Variants in CCDC70 observed in about 807,000 individuals in gnomAD.
The protein encoded by CCDC70 is coiled-coil domain-containing protein 70.
CCDC70 carries 4 observed loss-of-function variants against 9.1 expected under a neutral mutation model. The ratio of observed to expected loss-of-function variants is 0.44; its 90% CI spans 0.22 to 1.00. The LOEUF is 1.00. Ranked by LOEUF, CCDC70 falls within the 50% of genes least tolerant of loss-of-function variation. The probability of loss-of-function intolerance (pLI) is 0.25; values close to 1 mark genes in which losing one functional copy is unlikely to be tolerated. For synonymous variants in CCDC70, 119 were observed against 94.0 expected (o/e 1.27, Z -1.54); for missense variants, 308 against 271.3 (o/e 1.14, Z -0.95).
chr13:51,864,096 C>T (rs1956401952), intron 1 of CCDC70, among the ~76,000 whole-genome samples: 1 of 150,776 alleles, frequency 6.6e-6, no homozygotes, highest in South Asian at 2.1e-4. Flanking sequence ...CCTTCCCTCC[C>T]TTCCTTCCTT....
chr13:51,865,384 C>T lies in CCDC70; in HGVS notation c.-28C>T, dbSNP rs1304179055. 2.5e-6 allele frequency: 4 copies of T among 1,589,028 alleles called. No individual in the cohort carries two copies. Among genetic ancestry groups the T allele is most frequent in the Non-Finnish European group, 3.4e-6 (4 of 1,167,630 alleles). On this transcript the variant is annotated 5_prime_UTR_variant, in exon 2 of 2. Coordinates refer to ENST00000242819, the MANE Select transcript of CCDC70 (RefSeq NM_031290.4). ...CAAGGGTCCTGTCATCCCTCATGGC[C>T]ACCCCGCCATTCCGGCTGATAAGGA...
intron 1 of CCDC70, among the ~76,000 whole-genome samples, chr13:51,863,708 C>CACACA (rs1555276646): frequency 0.17 from 23,452 of 141,026 alleles, 1,953 homozygotes; most frequent in East Asian, 0.27. Context: ...CACACACACA[C>CACACA]ACCAGCTATG....
At chr13:51,863,462 T>C (rs1260436400) in intron 1 of CCDC70, among the ~76,000 whole-genome samples, 2 of 151,964 alleles carry the variant, frequency 1.3e-5, no homozygotes, top group Non-Finnish European at 2.9e-5. Flanking sequence ...CTGGCTGTCA[T>C]GGGGGAGATG....
rs748527859 is a variant in CCDC70, at chr13:51,865,508, A to G, written c.97A>G (p.Lys33Glu). Residue 33 changes from lysine to glutamate, a missense_variant, in exon 2 of 2, where the codon AAG becomes GAG. Lys to Glu is a moderately conservative substitution (Grantham distance 56, BLOSUM62 1). Transcript: ENST00000242819. ...PSIRQKKLMHKLQEEKAFREE... is the reference protein window; with the variant it reads ...PSIRQKKLMHELQEEKAFREE... ...TATTCGCCAGAAGAAACTAATGCACAAGCTGCAGGAGGAAAAGGCTTTTCG... is the reference window on the plus strand; with the variant it reads ...TATTCGCCAGAAGAAACTAATGCACGAGCTGCAGGAGGAAAAGGCTTTTCG... 3.1e-6 allele frequency: 5 copies of G among 1,614,092 alleles called. No homozygotes were observed. The African/African-American group carries it at 5.3e-5, about 17-fold the overall frequency.
intron 1 of CCDC70, among the ~76,000 whole-genome samples, chr13:51,863,296 A>G (rs889864988): frequency 3.3e-5 from 5 of 152,280 alleles, no homozygotes; most frequent in Non-Finnish European, 5.9e-5. Context: ...TTCAGCTTTG[A>G]TCTTTGGGCT....
In CCDC70 at chr13:51,865,318, T is replaced by A. The variant is rs758836137; in HGVS notation, c.-80-14T>A. 111 of 1,397,662 alleles carry A rather than the reference T, an allele frequency of 7.9e-5. No individual in the cohort carries two copies. Among genetic ancestry groups the A allele is most frequent in the Non-Finnish European group, 1.1e-4 (109 of 1,026,166 alleles). The allele number at this position is 1,397,662 out of a possible 1,614,324, so 86.6% of individuals were successfully genotyped here. On this transcript the variant is annotated splice_polypyrimidine_tract_variant and intron_variant, in intron 1 of 1. Transcript: ENST00000242819. ...GTGATACTCATAGATCTGTCTTTTC[T>A]GCTGCCCCCACAGGGTCTGACCAGC...
Position 51,865,549 on chromosome 13 carries a change from T to C in CCDC70, c.138T>C (p.Ile46=). Residue 46 remains isoleucine (I), a synonymous_variant, in exon 2 of 2, where the codon ATT becomes ATC. Transcript: ENST00000242819. The part of the protein sequence containing the change: ...EEKAFREEMK[I]FREKIEDFRE... ...AGGCTTTTCGCGAAGAGATGAAAATTTTTCGTGAAAAAATAGAGGACTTCA... is the reference window on the plus strand; with the variant it reads ...AGGCTTTTCGCGAAGAGATGAAAATCTTTCGTGAAAAAATAGAGGACTTCA... 1 of 1,614,048 alleles carries C rather than the reference T, an allele frequency of 6.2e-7. No individual in the cohort carries two copies. The highest frequency in any genetic ancestry group is 1.1e-5 in the South Asian group (1 of 91,076).
Position 51,865,730 on chromosome 13 carries a change from G to T in CCDC70, c.319G>T (p.Glu107Ter). Residue 107 changes from glutamate to a stop codon, truncating the protein, a stop_gained, in exon 2 of 2, where the codon GAG (glutamate) becomes TAG (stop). Coordinates refer to ENST00000242819, the MANE Select transcript of CCDC70 (RefSeq NM_031290.4). LOFTEE classifies it high-confidence loss of function. ...AATGGAAAAGTCTTTCAGGGAGGAAGAGAAAACTTTCTGGAAAAAGTACCG... is the reference window on the plus strand; with the variant it reads ...AATGGAAAAGTCTTTCAGGGAGGAATAGAAAACTTTCTGGAAAAAGTACCG... ...WEMEKSFREE[E>*]KTFWKKYRTF... 6.2e-7 allele frequency: 1 copy of T among 1,614,168 alleles called. No homozygotes were observed. The highest frequency in any genetic ancestry group is 8.5e-7 in the Non-Finnish European group (1 of 1,180,016).
At chr13:51,864,426 G>A (rs1349548734) in intron 1 of CCDC70, among the ~76,000 whole-genome samples, 1 of 152,160 alleles carries the variant, frequency 6.6e-6, no homozygotes, top group East Asian at 1.9e-4. Context: ...CTGTGTTGAA[G>A]TATGTTCCCC....
Position 51,863,858 on chromosome 13 carries a change from C to G in CCDC70, c.-80-1474C>G, listed in dbSNP as rs573981960. Among the ~76,000 whole-genome samples, 3 of 152,282 alleles carry G rather than the reference C, an allele frequency of 2.0e-5. No homozygotes were observed. In the East Asian group the frequency reaches 5.8e-4, roughly 29 times the overall value. On this transcript the variant is annotated intron_variant, in intron 1 of 1. Transcript: ENST00000242819. ...AGTGAGGGCCGGACCCTGGCAGCTTCCTCCAGAAAGCACAAAATGGAAAAC... is the reference window on the plus strand; with the variant it reads ...AGTGAGGGCCGGACCCTGGCAGCTTGCTCCAGAAAGCACAAAATGGAAAAC...
chr13:51,864,347 C>T (rs576107768), intron 1 of CCDC70, among the ~76,000 whole-genome samples: 1 of 152,320 alleles, frequency 6.6e-6, no homozygotes, highest in South Asian at 2.1e-4. Context: ...CCTCATCCCA[C>T]ACTCCAAATC....
intron 1 of CCDC70, among the ~76,000 whole-genome samples, chr13:51,864,384 A>C (rs1956404659): frequency 1.3e-5 from 2 of 152,134 alleles, no homozygotes; most frequent in African/African-American, 4.8e-5. Flanking sequence ...TATTACTCTG[A>C]CTTTGGGACT....
chr13:51,866,012 C>T lies in CCDC70; in HGVS notation c.601C>T (p.Leu201Phe). ...TGGCCACATTGCCGGAGAGCAGATGCTCGAAGATGGGCCCCACAACGCCAA... is the reference window on the plus strand; with the variant it reads ...TGGCCACATTGCCGGAGAGCAGATGTTCGAAGATGGGCCCCACAACGCCAA... ...NNGHIAGEQM[L>F]EDGPHNANRG... Residue 201 changes from leucine (L) to phenylalanine (F), a missense_variant, in exon 2 of 2, where the codon CTC (leucine) becomes TTC (phenylalanine). Transcript: ENST00000242819. 6.2e-7 allele frequency: 1 copy of T among 1,611,896 alleles called. No homozygotes were observed.
intron 1 of CCDC70, among the ~76,000 whole-genome samples, chr13:51,862,514 A>T (rs1956389763): frequency 6.6e-6 from 1 of 152,224 alleles, no homozygotes; most frequent in Non-Finnish European, 1.5e-5. Context: ...GTTTTCCAAC[A>T]TCCTAACCCA....
At position 51,866,049 on chromosome 13, in the gene CCDC70, G is replaced by A. The variant is rs377749818; in HGVS notation, c.638G>A (p.Arg213His). The A allele has an allele frequency of 2.0e-5, 32 of 1,595,084 alleles. No homozygotes were observed. The African/African-American group carries it at 2.3e-4, about 11-fold the overall frequency. The change falls in exon 2 of 2, where the codon CGC becomes CAC. Residue 213 changes from arginine (R) to histidine (H), a missense_variant. Transcript: ENST00000242819. ...CCCCACAACGCCAACAGAGGGCAGC[G>A]CTTGCTGGCCTTCTCCCGAGGCAGG... is the stretch of plus-strand genomic sequence containing the variant. ...DGPHNANRGQ[R>H]LLAFSRGRA
intron 1 of CCDC70, among the ~76,000 whole-genome samples, chr13:51,863,021 C>T (rs579839): frequency 0.1 from 15,642 of 152,116 alleles, 2,252 homozygotes; most frequent in African/African-American, 0.32. Flanking sequence ...GCAGAGGTGG[C>T]GAGGAACTTT....
At position 51,865,832 on chromosome 13, in the gene CCDC70, G is replaced by A. The variant is rs200150032; in HGVS notation, c.421G>A (p.Glu141Lys). Residue 141 changes from glutamate (E) to lysine (K), a missense_variant, in exon 2 of 2, where the codon GAG becomes AAG. Coordinates refer to ENST00000242819, the MANE Select transcript of CCDC70 (RefSeq NM_031290.4). ...LWERDRNLLQ[E>K]DKALWEEEKA... ...GGAAAGAGACCGGAACCTTCTTCAG[G>A]AGGACAAGGCCCTGTGGGAGGAAGA... 1.6e-4 allele frequency: 258 copies of A among 1,614,188 alleles called. No individual in the cohort carries two copies. The highest frequency in any genetic ancestry group is 3.7e-4 in the Admixed American group (22 of 60,014).
chr13:51,865,515 A>G lies in CCDC70; in HGVS notation c.104A>G (p.Gln35Arg). The G allele has an allele frequency of 5.6e-6, 9 of 1,614,240 alleles. No individual in the cohort carries two copies. Among genetic ancestry groups the G allele is most frequent in the Non-Finnish European group, 7.6e-6 (9 of 1,180,044 alleles). ...IRQKKLMHKL[Q>R]EEKAFREEMK... ...CAGAAGAAACTAATGCACAAGCTGC[A>G]GGAGGAAAAGGCTTTTCGCGAAGAG... The change falls in exon 2 of 2, where the codon CAG (glutamine) becomes CGG (arginine). Residue 35 changes from glutamine (Q) to arginine (R), a missense_variant. Transcript: ENST00000242819.
intron 1 of CCDC70, among the ~76,000 whole-genome samples, chr13:51,864,961 T>C (rs1297522934): frequency 6.6e-6 from 1 of 152,246 alleles, no homozygotes; most frequent in East Asian, 1.9e-4. Context: ...AGCATGCCCA[T>C]AGGCAGATAG....
Sources: gnomAD v4.1 joint callset for allele counts (sites outside exome capture counted in the v4.1 genomes callset) on GRCh38, gnomAD v4.1.1 for gene constraint, MANE v1.5 for transcripts, NCBI Gene and HGNC (gene_info 2026-07-23, HGNC 2026-07-21) for gene names.